The following SCAF11 variants were observed in gnomAD, a reference collection of about 807,000 sequenced individuals.
SCAF11 encodes the protein protein SCAF11.
Under a neutral mutation model 140.5 loss-of-function variants are expected in SCAF11, and 47 were observed. The ratio of observed to expected loss-of-function variants is 0.33; its 90% CI spans 0.26 to 0.43. The LOEUF (loss-of-function observed/expected upper bound fraction) is 0.43, where lower values mean the gene tolerates loss of function less well. Ranked by LOEUF, SCAF11 falls within the 20% of genes least tolerant of loss-of-function variation. SCAF11 has a pLI of 1.00. For missense variants in SCAF11, 1,645 were observed against 1,705.1 expected (o/e 0.96, Z 0.62); for synonymous variants, 557 against 579.4 (o/e 0.96, Z 0.55).
Position 45,923,190 on chromosome 12 carries a change from T to C in SCAF11, c.3907-36A>G. The C allele has an allele frequency of 2.6e-6, 4 of 1,558,878 alleles. No homozygotes were observed. The South Asian group carries it at 3.3e-5, about 13-fold the overall frequency. On this transcript the variant is annotated intron_variant, in intron 12 of 14. Transcript: ENST00000369367. ...GAGTTATCATCAGTTAATGAATTACTTGTACTCGATAGAAGTCTTTTAGTG... is the reference window on the plus strand; with the variant it reads ...GAGTTATCATCAGTTAATGAATTACCTGTACTCGATAGAAGTCTTTTAGTG...
chr12:45,928,109 C>A lies in SCAF11; in HGVS notation c.1592G>T (p.Gly531Val). The A allele has an allele frequency of 6.2e-7, 1 of 1,613,906 alleles. No individual in the cohort carries two copies. The highest frequency in any genetic ancestry group is 2.2e-5 in the East Asian group (1 of 44,866). Residue 531 changes from glycine to valine, a missense_variant, in exon 11 of 15, where the codon GGA becomes GTA. Gly to Val is a moderately radical substitution (Grantham distance 109). Transcript: ENST00000369367. ...TGTCTTTACCTCTGATTGTGAAAGT[C>A]CAGATATCTGGTCTTGCTTTTCCAA... Reference protein sequence around the residue: ...DPLEKQDQISGLSQSEVKTDV... With the variant: ...DPLEKQDQISVLSQSEVKTDV...
intron 1 of SCAF11, among the ~76,000 whole-genome samples, chr12:45,964,962 T>TTG (rs898333114): frequency 1.3e-5 from 2 of 151,436 alleles, no homozygotes; most frequent in Admixed American, 6.6e-5. Flanking sequence ...AAGGAGACAG[T>TTG]TGTGTGTGTG....
At chr12:45,923,822 C>T (rs1944773742) in intron 12 of SCAF11, among the ~76,000 whole-genome samples, 2 of 151,582 alleles carry the variant, frequency 1.3e-5, no homozygotes, top group Non-Finnish European at 2.9e-5. Context: ...GCTGGGATTA[C>T]AGGAATGCAT....
chr12:45,929,004 C>T (rs1944973688), intron 10 of SCAF11, 145 bp from the exon 11 acceptor site: 1 of 445,080 alleles, frequency 2.2e-6, no homozygotes. Flanking sequence ...TGCATAGCTA[C>T]TAACATCTGA....
At chr12:45,961,192 T>A in intron 3 of SCAF11, 1 of 618,532 alleles carries the variant, frequency 1.6e-6, no homozygotes, top group African/African-American at 1.8e-5. Flanking sequence ...AACTATGAGA[T>A]CTTGACCAAG....
chr12:45,942,656 C>T (rs1337753780), intron 6 of SCAF11, among the ~76,000 whole-genome samples: 3 of 152,172 alleles, frequency 2.0e-5, no homozygotes, highest in East Asian at 3.8e-4. Context: ...TCCCTTGCCC[C>T]AAACAAGATT....
chr12:45,925,104 A>C lies in SCAF11; in HGVS notation c.3560-30T>G, dbSNP rs747312271. ...CAAAAGAAAAAAAGCTTGTGAAAAA[A>C]ATCATGTTATAAATCTCTTTAGACA... On this transcript the variant is annotated intron_variant, in intron 11 of 14. Coordinates refer to ENST00000369367, the MANE Select transcript of SCAF11 (RefSeq NM_004719.3). The C allele has an allele frequency of 1.2e-5, 18 of 1,545,604 alleles. No homozygotes were observed. In the South Asian group the frequency reaches 2.1e-4, roughly 18 times the overall value.
chr12:45,984,773 C>G (rs1946424773), intron 1 of SCAF11, among the ~76,000 whole-genome samples: 1 of 151,040 alleles, frequency 6.6e-6, no homozygotes, highest in Admixed American at 6.6e-5. Flanking sequence ...TGGCCCACTG[C>G]AAACTCCACC....
chr12:45,953,168 T>G (rs544400822), intron 3 of SCAF11, among the ~76,000 whole-genome samples: 31 of 152,336 alleles, frequency 2.0e-4, no homozygotes, highest in African/African-American at 6.5e-4. Context: ...TTTTAAGTAC[T>G]ATGGATTTAG....
intron 6 of SCAF11, among the ~76,000 whole-genome samples, chr12:45,943,675 G>A (rs1007017880): frequency 1.3e-5 from 2 of 152,064 alleles, no homozygotes; most frequent in Non-Finnish European, 2.9e-5. Flanking sequence ...ATCAGTCCAG[G>A]TTGGTCAGTG....
At chr12:45,943,246 T>C (rs1387136989) in intron 6 of SCAF11, among the ~76,000 whole-genome samples, 2 of 152,176 alleles carry the variant, frequency 1.3e-5, no homozygotes, top group Admixed American at 6.6e-5. Context: ...ATGGTGTCTC[T>C]TTCTGCAGTT....
intron 12 of SCAF11, among the ~76,000 whole-genome samples, chr12:45,924,377 A>G (rs1944793440): frequency 6.6e-6 from 1 of 152,080 alleles, no homozygotes; most frequent in African/African-American, 2.4e-5. Context: ...CCGTCCCCAT[A>G]TACCCCCTAA....
In SCAF11 at chr12:45,961,793, T is replaced by C; in HGVS notation, c.126A>G (p.Pro42=). The C allele has an allele frequency of 6.2e-7, 1 of 1,612,914 alleles. No homozygotes were observed. Among genetic ancestry groups the C allele is most frequent in the Non-Finnish European group, 8.5e-7 (1 of 1,179,098 alleles). ...TTTCTAATAGACAATTAAGACATAT[T>C]GGGCATCTGTCAGCCTCACTGTACA... ...GLLYSEADRC[P]ICLNCLLEKE... Residue 42 remains proline (P), a synonymous_variant, in exon 3 of 15, where the codon CCA becomes CCG. Coordinates refer to ENST00000369367, the MANE Select transcript of SCAF11 (RefSeq NM_004719.3).
chr12:45,927,177 C>G lies in SCAF11; in HGVS notation c.2524G>C (p.Gly842Arg). 1 of 1,614,026 alleles carries G rather than the reference C, an allele frequency of 6.2e-7. No individual in the cohort carries two copies. The highest frequency in any genetic ancestry group is 8.5e-7 in the Non-Finnish European group (1 of 1,179,992). The change falls in exon 11 of 15, where the codon GGC becomes CGC. Residue 842 changes from glycine (G) to arginine (R), a missense_variant. Coordinates refer to ENST00000369367, the MANE Select transcript of SCAF11 (RefSeq NM_004719.3). ...GACTGAGAACGGGATTTTTTCCGGC[C>G]TCTGGCTGACTCATTCTTAGGAGAT... ...SPSPKNESARGRKKSRSQSPK... is the reference protein window; with the variant it reads ...SPSPKNESARRRKKSRSQSPK...
In SCAF11 at chr12:45,928,816, C is replaced by A; in HGVS notation, c.885G>T (p.Gly295=). The A allele has an allele frequency of 6.2e-7, 1 of 1,612,422 alleles. No homozygotes were observed. The highest frequency in any genetic ancestry group is 8.5e-7 in the Non-Finnish European group (1 of 1,179,830). ...KGYALAHTQE[G]EEKKQTSGTS... is the part of the protein sequence containing the mutation. ...TACCAGAAGTTTGCTTCTTTTCTTC[C>A]CCTTCTTGAGTATGTGCTAATGCAT... The change falls in exon 11 of 15, where the codon GGG becomes GGT. Residue 295 remains glycine, a synonymous_variant. Transcript: ENST00000369367.
At chr12:45,929,099 A>G (rs1461309156) in intron 10 of SCAF11, 7 of 168,130 alleles carry the variant, frequency 4.2e-5, no homozygotes, top group East Asian at 1.1e-4. Context: ...TTTTATAGAG[A>G]AAAAAAAAAA....
intron 8 of SCAF11, among the ~76,000 whole-genome samples, chr12:45,933,716 G>T (rs540317463): frequency 7.1e-4 from 108 of 152,056 alleles, no homozygotes; most frequent in African/African-American, 2.5e-3. Flanking sequence ...TCACACAATC[G>T]TATTCTGTGC....
intron 10 of SCAF11, 34 bp from the exon 11 acceptor site, chr12:45,928,893 A>G (rs1341369026): frequency 9.5e-6 from 12 of 1,260,284 alleles, no homozygotes; most frequent in Non-Finnish European, 1.3e-5. Context: ...AAAAGTAAAA[A>G]ATATGTTTTA....
At chr12:45,966,300 G>GA (rs1181751376) in intron 1 of SCAF11, among the ~76,000 whole-genome samples, 4 of 150,962 alleles carry the variant, frequency 2.6e-5, no homozygotes, top group Non-Finnish European at 5.9e-5. Context: ...ATCTATCAAT[G>GA]AAAGTATTCA....
Sources: allele counts gnomAD v4.1 joint callset (sites outside exome capture counted in the v4.1 genomes callset), GRCh38; gene constraint gnomAD v4.1.1; transcripts MANE v1.5; gene names NCBI Gene and HGNC (gene_info 2026-07-23, HGNC 2026-07-21).